PHKA2: variants seen among roughly 807,000 people sequenced by gnomAD.
PHKA2 encodes phosphorylase b kinase regulatory subunit alpha, liver isoform.
A neutral mutation model predicts 102.0 loss-of-function variants in PHKA2; 31 were observed. That is an observed-to-expected ratio of 0.30 (90% CI 0.23 to 0.41). The LOEUF is 0.41. Among genes scored for constraint, PHKA2 ranks in the 10% least tolerant of loss-of-function variants. PHKA2 has a pLI of 1.00. For synonymous variants in PHKA2, 455 were observed against 416.2 expected, an observed-to-expected ratio of 1.09 and a Z score of -1.13; for missense variants, 858 against 1,023.1, an observed-to-expected ratio of 0.84 and a Z score of 2.20.
chrX:18,977,402 T>C lies in PHKA2; in HGVS notation c.78+6453A>G, dbSNP rs189825110. ...GGTTCAGTGCGGAATTCTATGTAAGTGTACTTAATCGAATTTGTTTCTTAC... is the reference window on the plus strand; with the variant it reads ...GGTTCAGTGCGGAATTCTATGTAAGCGTACTTAATCGAATTTGTTTCTTAC... On this transcript the variant is annotated intron_variant, in intron 1 of 32. Coordinates refer to ENST00000379942, the MANE Select transcript of PHKA2 (RefSeq NM_000292.3). Among the ~76,000 whole-genome samples the C allele has an allele frequency of 1.6e-4, 18 of 112,173 alleles. No individual in the cohort carries two copies. The East Asian group carries it at 4.5e-3, about 28-fold the overall frequency.
intron 12 of PHKA2, 132 bp from the exon 13 acceptor site, chrX:18,929,438 T>C (rs879071884): frequency 1.4e-5 from 7 of 512,392 alleles, no homozygotes; most frequent in Admixed American, 1.2e-4. Flanking sequence ...TTCGAGTCAA[T>C]TGCTTATTTT....
intron 1 of PHKA2, among the ~76,000 whole-genome samples, chrX:18,975,238 T>C (rs147681034): frequency 0.033 from 3,737 of 111,660 alleles, 170 homozygotes; most frequent in African/African-American, 0.12. Context: ...TGGGAGGTAA[T>C]TGAATCATGG....
intron 1 of PHKA2, among the ~76,000 whole-genome samples, chrX:18,962,779 C>T (rs780679660): frequency 8.9e-6 from 1 of 112,249 alleles, no homozygotes; most frequent in East Asian, 2.8e-4. Flanking sequence ...GTATTGTTTT[C>T]GGAACAAGGG....
chrX:18,951,081 G>A (rs201280039), intron 4 of PHKA2, 23 bp downstream of exon 4: 6 of 1,206,026 alleles, frequency 5.0e-6, no homozygotes, highest in South Asian at 1.8e-5. Flanking sequence ...CTTATACAAT[G>A]GGCTCCAGCA....
chrX:18,919,795 T>C (rs1396517866), intron 18 of PHKA2, among the ~76,000 whole-genome samples: 1 of 107,281 alleles, frequency 9.3e-6, no homozygotes, highest in Non-Finnish European at 1.9e-5. Flanking sequence ...TTCCTGAAAC[T>C]CTTTGTCCTT....
chrX:18,936,890 G>A (rs2048402273), intron 10 of PHKA2, among the ~76,000 whole-genome samples: 2 of 111,976 alleles, frequency 1.8e-5, no homozygotes, highest in Non-Finnish European at 3.8e-5. Flanking sequence ...TCAACAAGAC[G>A]CTAAACACAG....
rs766261786 is a variant in PHKA2 at position 18,951,281 on chromosome X, GA to G, written c.286-10del. On this transcript the variant is annotated splice_polypyrimidine_tract_variant and intron_variant, in intron 3 of 32. Coordinates refer to ENST00000379942, the MANE Select transcript of PHKA2 (RefSeq NM_000292.3). The stretch of plus-strand genomic sequence containing the variant: ...TTCTCCACTTTGGCCACCTGAGGGA[GA>G]AGGCAAGCCCGCTCTGCATAGTTAT... 6 of 1,208,161 alleles carry G rather than the reference GA, an allele frequency of 5.0e-6. No homozygotes were observed. In the East Asian group the frequency reaches 1.2e-4, roughly 24 times the overall value.
chrX:18,975,081 C>G (rs2049067855), intron 1 of PHKA2, among the ~76,000 whole-genome samples: 1 of 111,160 alleles, frequency 9.0e-6, no homozygotes, highest in South Asian at 3.8e-4. Context: ...CTAGCCCAGA[C>G]CTCTCCCCTA....
chrX:18,932,609 T>G (rs2048333860), intron 11 of PHKA2, among the ~76,000 whole-genome samples: 1 of 110,658 alleles, frequency 9.0e-6, no homozygotes, highest in African/African-American at 3.3e-5. Context: ...GTGCATGAAC[T>G]GAACAGAATT....
chrX:18,894,087 TC>T, intron 32 of PHKA2, 116 bp downstream of exon 32: 1 of 695,996 alleles, frequency 1.4e-6, no homozygotes, highest in African/African-American at 2.1e-5. Flanking sequence ...TGACATTTTT[TC>T]CCCATCATCT....
At chrX:18,937,748 C>T (rs2048417154) in intron 10 of PHKA2, among the ~76,000 whole-genome samples, 1 of 111,896 alleles carries the variant, frequency 8.9e-6, no homozygotes, top group African/African-American at 3.2e-5. Context: ...TGGAACCCCA[C>T]AAAACGCATG....
intron 1 of PHKA2, among the ~76,000 whole-genome samples, chrX:18,972,276 G>A (rs1306342090): frequency 8.9e-6 from 1 of 111,973 alleles, no homozygotes; most frequent in Non-Finnish European, 1.9e-5. Context: ...TTTGTCTGCT[G>A]TTGTGCCAAT....
chrX:18,977,364 A>G (rs1468441300), intron 1 of PHKA2, among the ~76,000 whole-genome samples: 1 of 112,405 alleles, frequency 8.9e-6, no homozygotes, highest in African/African-American at 3.2e-5. Context: ...GAAACAAGTA[A>G]GTATTTCCTA....
At chrX:18,979,241 ACT>A (rs1487804591) in intron 1 of PHKA2, among the ~76,000 whole-genome samples, 1 of 111,208 alleles carries the variant, frequency 9.0e-6, no homozygotes, top group Non-Finnish European at 1.9e-5. Context: ...ATCTTTTTTA[ACT>A]CTCTCCCAAA....
Position 18,936,065 on chromosome X carries a change from G to A in PHKA2, c.1127C>T (p.Pro376Leu), listed in dbSNP as rs753157066. The change falls in exon 11 of 33, where the codon CCG becomes CTG. Residue 376 changes from proline to leucine, a missense_variant. Around this residue, in one of 2 missense-constraint regions of PHKA2, gnomAD observed 671 missense variants for 745.2 expected, o/e 0.90. Transcript: ENST00000379942. ...IRLVPELYAV[P>L]PNKVDEEYKN... ...CTGCCACTGGGTTACCTTGTTAGGC[G>A]GGACAGCGTAGAGTTCAGGCACCAG... The A allele has an allele frequency of 1.5e-5, 18 of 1,198,492 alleles. No homozygotes were observed. The Admixed American group carries it at 3.3e-4, about 22-fold the overall frequency.
rs2047446872 is a variant in PHKA2, at chrX:18,892,711, A to T, written c.*774T>A. The T allele has an allele frequency of 9.0e-6, 1 of 110,824 alleles. No individual in the cohort carries two copies. The highest frequency in any genetic ancestry group is 9.5e-5 in the Admixed American group (1 of 10,533). 9.1% of individuals were successfully genotyped at this position (110,824 alleles called of 1,213,427 possible). On this transcript the variant is annotated 3_prime_UTR_variant, in exon 33 of 33. Transcript: ENST00000379942. ...GGGGACAACAGGTCTAGCCCTAAAC[A>T]ACTGCTTGCCTGGCTATAAGAGGAG...
At chrX:18,952,434 G>A in intron 3 of PHKA2, 60 bp downstream of exon 3, 2 of 979,574 alleles carry the variant, frequency 2.0e-6, no homozygotes, top group African/African-American at 1.9e-5. Flanking sequence ...CATGTTAACT[G>A]TCACAATTAC....
chrX:18,914,270 G>A (rs1260447441), intron 19 of PHKA2, among the ~76,000 whole-genome samples: 1 of 112,301 alleles, frequency 8.9e-6, no homozygotes, highest in Non-Finnish European at 1.9e-5. Flanking sequence ...GTTATGTGGT[G>A]CATAACTGTA....
chrX:18,919,744 AAAAG>A (rs1231490811), intron 18 of PHKA2, among the ~76,000 whole-genome samples: 3 of 105,516 alleles, frequency 2.8e-5, no homozygotes, highest in African/African-American at 7.0e-5. Context: ...AAAAAAAAAA[AAAAG>A]AGAGAGAGAG....
Sources: gnomAD v4.1 joint callset for allele counts (sites outside exome capture counted in the v4.1 genomes callset) on GRCh38, gnomAD v4.1.1 for gene constraint, gnomAD v4.1.1 regional missense constraint, MANE v1.5 for transcripts, NCBI Gene and HGNC (gene_info 2026-07-23, HGNC 2026-07-21) for gene names.